The following DDX18 variants were observed in gnomAD, a reference collection of about 807,000 sequenced individuals.
The protein encoded by DDX18 is DEAD-box helicase 18.
DDX18 carries 23 observed loss-of-function variants against 73.5 expected under a neutral mutation model. The ratio of observed to expected loss-of-function variants is 0.31; its 90% CI spans 0.23 to 0.44. The LOEUF (loss-of-function observed/expected upper bound fraction) is 0.44, where lower values mean the gene tolerates loss of function less well. DDX18 is among the 20% of genes least tolerant of loss of function. The pLI, the probability that DDX18 is intolerant of heterozygous loss-of-function variation, is 1.00. For missense variants in DDX18, 753 were observed against 792.9 expected (o/e 0.95, Z 0.60); for synonymous variants, 268 against 282.7 (o/e 0.95, Z 0.52).
chr2:117,826,643 T>G, intron 11 of DDX18: 1 of 459,458 alleles, frequency 2.2e-6, no homozygotes, highest in Non-Finnish European at 4.0e-6. Context: ...CCTCCAGCCC[T>G]CTTTGAAACC....
Position 117,819,705 on chromosome 2 carries a change from A to G in DDX18, c.427A>G (p.Thr143Ala). ...GAAATCTGAAGAAGAAAGTGCCGAG[A>G]CTACTAAAGAAACAGAAAATAATGT... ...KGKSEEESAETTKETENNVEK... is the reference protein window; with the variant it reads ...KGKSEEESAEATKETENNVEK... The change falls in exon 3 of 14, where the codon ACT becomes GCT. Residue 143 changes from threonine (T) to alanine (A), a missense_variant. Physicochemically the swap from Thr to Ala is moderately conservative, Grantham distance 58 (BLOSUM62 0). This residue lies in a region of DDX18 where 345 missense variants were observed against 352.0 expected (regional missense o/e 0.98). Transcript: ENST00000263239. 6.2e-7 allele frequency: 1 copy of G among 1,607,624 alleles called. No individual in the cohort carries two copies. Among genetic ancestry groups the G allele is most frequent in the East Asian group, 2.2e-5 (1 of 44,608 alleles).
intron 1 of DDX18, among the ~76,000 whole-genome samples, chr2:117,815,388 C>T (rs1679741378): frequency 6.6e-6 from 1 of 152,190 alleles, no homozygotes; most frequent in African/African-American, 2.4e-5. Flanking sequence ...AGAGCTTCTA[C>T]GTATTTGTGT....
At position 117,830,741 on chromosome 2, in the gene DDX18, C is replaced by G; in HGVS notation, c.*17C>G. On this transcript the variant is annotated 3_prime_UTR_variant, in exon 14 of 14. Transcript: ENST00000263239. ...TCTCACTGAACACATGCCTTCCTTT[C>G]ATCTTGAATAACTTTGTCCTAAAAT... is the stretch of plus-strand genomic sequence containing the variant. The G allele has an allele frequency of 6.2e-7, 1 of 1,607,256 alleles. No individual in the cohort carries two copies. The highest frequency in any genetic ancestry group is 1.1e-5 in the South Asian group (1 of 88,916).
rs1162970266 is a variant in DDX18 at position 117,814,908 on chromosome 2, C to G, written c.85+46C>G. On this transcript the variant is annotated intron_variant, in intron 1 of 13. Transcript: ENST00000263239. ...GTGGCTCAGAAGACCCACGCGCGAGCCCTGGCGCGTTCGGGCGGCCGGGGG... is the reference window on the plus strand; with the variant it reads ...GTGGCTCAGAAGACCCACGCGCGAGGCCTGGCGCGTTCGGGCGGCCGGGGG... 3 of 1,602,658 alleles carry G rather than the reference C, an allele frequency of 1.9e-6. No homozygotes were observed. The East Asian group carries it at 6.7e-5, about 36-fold the overall frequency.
At position 117,814,739 on chromosome 2, in the gene DDX18, T is replaced by C; in HGVS notation, c.-39T>C. On this transcript the variant is annotated 5_prime_UTR_variant, in exon 1 of 14. Coordinates refer to ENST00000263239, the MANE Select transcript of DDX18 (RefSeq NM_006773.4). ...CGTCAGCCTGAGAACTGAGTAGCTG[T>C]ACTGTGTGGCGCCTTATTCTAGGCA... The C allele has an allele frequency of 3.1e-6, 5 of 1,606,706 alleles. No individual in the cohort carries two copies. The East Asian group carries it at 8.9e-5, about 29-fold the overall frequency.
At chr2:117,828,614 A>T (rs1679972877) in intron 11 of DDX18, 2 of 220,122 alleles carry the variant, frequency 9.1e-6, no homozygotes, top group South Asian at 8.4e-5. Flanking sequence ...CTCTTCTGAC[A>T]TGGAGAAAAG....
chr2:117,830,839 A>T lies in DDX18; in HGVS notation c.*115A>T. 2 of 1,293,700 alleles carry T rather than the reference A, an allele frequency of 1.5e-6. No individual in the cohort carries two copies. Among genetic ancestry groups the T allele is most frequent in the Non-Finnish European group, 2.2e-6 (2 of 924,806 alleles). 80.1% of individuals were successfully genotyped at this position (1,293,700 alleles called of 1,614,324 possible). On this transcript the variant is annotated 3_prime_UTR_variant, in exon 14 of 14. Transcript: ENST00000263239. ...TTTGGACTTACCTAACAAGAGTATA[A>T]ATTGACTTGGGTTGCAAGCACTGAG...
chr2:117,829,447 G>A lies in DDX18; in HGVS notation c.1851G>A (p.Val617=), dbSNP rs147464099. 7.6e-5 allele frequency: 122 copies of A among 1,610,084 alleles called. 1 individual carries two copies. The African/African-American group carries it at 1.3e-3, about 17-fold the overall frequency. ...PQVALSFGFK[V]PPFVDLNVNS... ...TTGCTCTGTCATTTGGTTTCAAGGT[G>A]CCTCCCTTCGTTGATCTGAGTATCC... The change falls in exon 13 of 14, where the codon GTG becomes GTA. Residue 617 remains valine (V), a synonymous_variant. Transcript: ENST00000263239.
chr2:117,820,323 G>A (rs946038782), intron 3 of DDX18, among the ~76,000 whole-genome samples: 6 of 152,064 alleles, frequency 3.9e-5, no homozygotes, highest in Admixed American at 1.3e-4. Flanking sequence ...AGGGAAATTC[G>A]CCCCCCGAGT....
chr2:117,826,354 G>T lies in DDX18; in HGVS notation c.1607G>T (p.Gly536Val), dbSNP rs768679321. The T allele has an allele frequency of 1.9e-6, 3 of 1,614,012 alleles. No individual in the cohort carries two copies. The highest frequency in any genetic ancestry group is 2.7e-5 in the African/African-American group (2 of 75,006). The part of the protein sequence containing the change: ...ALLILRPEEL[G>V]FLRYLKQSKV... ...CTCATTTTGCGCCCAGAAGAATTGGGTTTTCTTCGCTACTTGAAACAATCC... is the reference window on the plus strand; with the variant it reads ...CTCATTTTGCGCCCAGAAGAATTGGTTTTTCTTCGCTACTTGAAACAATCC... Residue 536 changes from glycine to valine, a missense_variant, in exon 11 of 14, where the codon GGT (glycine) becomes GTT (valine). Physicochemically the swap from Gly to Val is moderately radical, Grantham distance 109 (BLOSUM62 -3). Coordinates refer to ENST00000263239, the MANE Select transcript of DDX18 (RefSeq NM_006773.4).
rs1470497691 is a variant in DDX18 at position 117,823,118 on chromosome 2, G to A, written c.1066+857G>A. ...TATTAAGTCTTGACCATCAGGTAAT[G>A]TTAGCCCCAAGTTTGTTCTCTTTTA... On this transcript the variant is annotated intron_variant, in intron 7 of 13. Coordinates refer to ENST00000263239, the MANE Select transcript of DDX18 (RefSeq NM_006773.4). 2.0e-5 allele frequency among the ~76,000 whole-genome samples: 3 copies of A among 152,186 alleles called. No individual in the cohort carries two copies. The East Asian group carries it at 5.8e-4, about 29-fold the overall frequency.
At position 117,822,136 on chromosome 2, in the gene DDX18, T is replaced by TG. The variant is rs756759149; in HGVS notation, c.952-10dup. On this transcript the variant is annotated splice_polypyrimidine_tract_variant and intron_variant, in intron 6 of 13. Transcript: ENST00000263239. ...CAACTAATGGTTGTTCTTTGTCCTT[T>TG]GTTTTGTTAGAATACCCCAGGATTT... 249 of 1,613,914 alleles carry TG rather than the reference T, an allele frequency of 1.5e-4. 1 individual carries two copies. Among genetic ancestry groups the TG allele is most frequent in the Middle Eastern group, 1.7e-4 (1 of 6,060 alleles).
At chr2:117,815,830 G>C (rs183791788) in intron 1 of DDX18, 16 of 152,174 alleles carry the variant, frequency 1.1e-4, no homozygotes, top group Non-Finnish European at 1.5e-4. Context: ...ATAACAGGAG[G>C]GGGGATACAT....
intron 1 of DDX18, among the ~76,000 whole-genome samples, chr2:117,816,688 G>A (rs1679764321): frequency 6.6e-6 from 1 of 152,080 alleles, no homozygotes; most frequent in African/African-American, 2.4e-5. Context: ...AAGTAACATA[G>A]TTTATTATCA....
intron 1 of DDX18, 173 bp downstream of exon 1, chr2:117,815,035 G>A: frequency 1.6e-6 from 1 of 635,282 alleles, no homozygotes; most frequent in Non-Finnish European, 2.8e-6. Flanking sequence ...CTGCCCACTC[G>A]TCGCGTGGCT....
At chr2:117,822,459 AAGTT>A in intron 7 of DDX18, 198 bp downstream of exon 7, 1 of 500,396 alleles carries the variant, frequency 2.0e-6, no homozygotes, top group Non-Finnish European at 3.6e-6. Context: ...GCTGTTTTAG[AAGTT>A]ATAAGGCACG....
chr2:117,821,579 A>C, intron 4 of DDX18, 71 bp from the exon 5 acceptor site: 1 of 1,517,170 alleles, frequency 6.6e-7, no homozygotes, highest in Non-Finnish European at 9.1e-7. Flanking sequence ...GTAGTGCCTA[A>C]GGTGTGTGTA....
chr2:117,830,869 G>A lies in DDX18; in HGVS notation c.*145G>A, dbSNP rs1157961993. 3.5e-6 allele frequency: 3 copies of A among 851,626 alleles called. No individual in the cohort carries two copies. Among genetic ancestry groups the A allele is most frequent in the Non-Finnish European group, 3.6e-6 (2 of 554,534 alleles). 52.8% of individuals were successfully genotyped at this position (851,626 alleles called of 1,614,324 possible). On this transcript the variant is annotated 3_prime_UTR_variant, in exon 14 of 14. Coordinates refer to ENST00000263239, the MANE Select transcript of DDX18 (RefSeq NM_006773.4). ...ACTTGGGTTGCAAGCACTGAGCACT[G>A]TTACTTCTATCACGTCTCTCTTTTA... is the stretch of plus-strand genomic sequence containing the variant.
intron 11 of DDX18, 142 bp from the exon 12 acceptor site, chr2:117,828,807 A>G: frequency 1.6e-6 from 1 of 633,256 alleles, no homozygotes; most frequent in East Asian, 2.7e-5. Flanking sequence ...TTTCCCATCA[A>G]CATTGGGAGA....
Sources: gnomAD v4.1 joint callset for allele counts (sites outside exome capture counted in the v4.1 genomes callset) on GRCh38, gnomAD v4.1.1 for gene constraint, gnomAD v4.1.1 regional missense constraint, MANE v1.5 for transcripts, NCBI Gene and HGNC (gene_info 2026-07-23, HGNC 2026-07-21) for gene names.